HGD: variants seen among roughly 807,000 people sequenced by gnomAD.
HGD encodes homogentisate oxidase.
Under a neutral mutation model 60.8 loss-of-function variants are expected in HGD, and 61 were observed. That is an observed-to-expected ratio of 1.00 (90% CI 0.82 to 1.24). The LOEUF (loss-of-function observed/expected upper bound fraction) is 1.24. HGD is among the 50% of genes most tolerant of loss of function. The pLI, the probability that HGD is intolerant of heterozygous loss-of-function variation, is 0.00. For missense variants in HGD, 542 were observed against 547.1 expected (o/e 0.99, Z 0.09); for synonymous variants, 212 against 187.7 (o/e 1.13, Z -1.06).
At chr3:120,675,557 C>G (rs1363840023) in intron 2 of HGD, among the ~76,000 whole-genome samples, 1 of 152,124 alleles carries the variant, frequency 6.6e-6, no homozygotes, top group Non-Finnish European at 1.5e-5. Flanking sequence ...GGGGATCCTA[C>G]TGGAAACCCT....
intron 3 of HGD, among the ~76,000 whole-genome samples, chr3:120,674,340 A>T (rs1297173740): frequency 6.6e-6 from 1 of 152,224 alleles, no homozygotes; most frequent in Non-Finnish European, 1.5e-5. Context: ...AACATGGAAC[A>T]TGGCACAGTA....
chr3:120,680,081 A>G (rs1055340871), intron 1 of HGD, among the ~76,000 whole-genome samples: 1 of 152,232 alleles, frequency 6.6e-6, no homozygotes, highest in African/African-American at 2.4e-5. Context: ...CTGAATATTA[A>G]GCAAGTTCTT....
rs190852372 is a variant in HGD, at chr3:120,649,175, C to A, written c.435-1264G>T. ...TTTTTTTTTTTGAGATGGAGTCTCA[C>A]ACGGTTGTCCGGGCTGGAGTGCAAT... On this transcript the variant is annotated intron_variant, in intron 6 of 13. Coordinates refer to ENST00000283871, the MANE Select transcript of HGD (RefSeq NM_000187.4). Among the ~76,000 whole-genome samples, 1,013 of 141,612 alleles carry A rather than the reference C, an allele frequency of 7.2e-3. 19 individuals carry two copies. The highest frequency in any genetic ancestry group is 0.026 in the African/African-American group (968 of 37,916). The allele number at this position is 141,612 out of a possible 152,430, so 92.9% of individuals were successfully genotyped here.
At chr3:120,656,259 T>C (rs1430364792) in intron 4 of HGD, among the ~76,000 whole-genome samples, 2 of 152,238 alleles carry the variant, frequency 1.3e-5, no homozygotes, top group East Asian at 3.8e-4. Flanking sequence ...GATACATTTC[T>C]GTTGTTTAAA....
At position 120,633,021 on chromosome 3, in the gene HGD, T is replaced by C. The variant is rs985415416; in HGVS notation, c.1188+126A>G. The C allele has an allele frequency of 3.6e-5, 28 of 787,732 alleles. No homozygotes were observed. The Admixed American group carries it at 5.7e-4, about 16-fold the overall frequency. 48.8% of individuals were successfully genotyped at this position (787,732 alleles called of 1,614,324 possible). ...GTATATATACATGTAAACATACTTA[T>C]GCAGTCATTAACTCTCCCTCTTTTG... On this transcript the variant is annotated intron_variant, in intron 13 of 13. Coordinates refer to ENST00000283871, the MANE Select transcript of HGD (RefSeq NM_000187.4).
intron 13 of HGD, among the ~76,000 whole-genome samples, chr3:120,631,493 C>T (rs1401579620): frequency 6.6e-6 from 1 of 152,006 alleles, no homozygotes; most frequent in Non-Finnish European, 1.5e-5. Flanking sequence ...TATTATGTAT[C>T]CATAAAAATA....
At chr3:120,636,960 G>C (rs1940801518) in intron 12 of HGD, among the ~76,000 whole-genome samples, 1 of 152,166 alleles carries the variant, frequency 6.6e-6, no homozygotes, top group East Asian at 1.9e-4. Context: ...ATGCCTCTTA[G>C]AGTCTTTCCA....
chr3:120,628,988 C>A (rs763824438), intron 13 of HGD, among the ~76,000 whole-genome samples: 23 of 152,166 alleles, frequency 1.5e-4, no homozygotes, highest in Non-Finnish European at 2.1e-4. Context: ...CTTAAGGCGA[C>A]AAGTCATCGC....
intron 3 of HGD, among the ~76,000 whole-genome samples, chr3:120,673,812 C>A (rs2107553892): frequency 6.6e-6 from 1 of 152,302 alleles, no homozygotes; most frequent in East Asian, 1.9e-4. Context: ...ATGTGCTAAG[C>A]TAAGCTAATG....
At chr3:120,638,644 C>T (rs1365330183) in intron 11 of HGD, 63 bp from the exon 12 acceptor site, 50 of 1,577,034 alleles carry the variant, frequency 3.2e-5, no homozygotes, top group Non-Finnish European at 4.4e-5. Flanking sequence ...CAATGACACA[C>T]ATTTCATGCA....
chr3:120,653,782 G>A (rs1285986403), intron 4 of HGD, among the ~76,000 whole-genome samples: 1 of 152,188 alleles, frequency 6.6e-6, no homozygotes, highest in Non-Finnish European at 1.5e-5. Context: ...GGGGACCTGA[G>A]GGCAAGGATC....
intron 12 of HGD, among the ~76,000 whole-genome samples, chr3:120,636,281 A>G (rs1940777307): frequency 2.4e-5 from 3 of 126,812 alleles, no homozygotes; most frequent in South Asian, 4.8e-4. Flanking sequence ...ACCCTGTCTC[A>G]AAAAAAAAAA....
intron 3 of HGD, among the ~76,000 whole-genome samples, chr3:120,672,940 A>G (rs1204690793): frequency 6.6e-6 from 1 of 152,202 alleles, no homozygotes; most frequent in African/African-American, 2.4e-5. Context: ...TAATCTGATA[A>G]AAATTAATCC....
At chr3:120,666,291 T>C (rs1707898073) in intron 4 of HGD, among the ~76,000 whole-genome samples, 1 of 152,104 alleles carries the variant, frequency 6.6e-6, no homozygotes, top group South Asian at 2.1e-4. Flanking sequence ...AGAAATTCAT[T>C]TGGTGGCTAC....
At chr3:120,633,666 C>T (rs984515445) in intron 12 of HGD, 2 of 1,146,012 alleles carry the variant, frequency 1.7e-6, no homozygotes, top group South Asian at 1.3e-5. Flanking sequence ...TGTACTCTAT[C>T]ATCTAAGCTT....
At chr3:120,651,794 A>G (rs1419860755) in intron 5 of HGD, among the ~76,000 whole-genome samples, 1 of 152,170 alleles carries the variant, frequency 6.6e-6, no homozygotes, top group African/African-American at 2.4e-5. Flanking sequence ...CCTGGGACCT[A>G]TAACTACCAA....
intron 4 of HGD, among the ~76,000 whole-genome samples, chr3:120,653,195 G>C (rs1182315696): frequency 1.3e-5 from 2 of 152,188 alleles, no homozygotes; most frequent in Non-Finnish European, 1.5e-5. Flanking sequence ...AGGTTCAGCT[G>C]CTTCACCAAA....
chr3:120,679,184 C>T (rs1708187567), intron 1 of HGD, among the ~76,000 whole-genome samples: 2 of 152,192 alleles, frequency 1.3e-5, no homozygotes, highest in Admixed American at 1.3e-4. Context: ...TTAATTCTCA[C>T]CTGGTCCCCA....
chr3:120,646,302 C>T lies in HGD; in HGVS notation c.614G>A (p.Gly205Asp), dbSNP rs754802510. Residue 205 changes from glycine (G) to aspartate (D), a missense_variant, in exon 9 of 14, where the codon GGT (glycine) becomes GAT (aspartate). Physicochemically the swap from Gly to Asp is moderately conservative, Grantham distance 94. Transcript: ENST00000283871. ...AAGGTCAGGTAACTCAAAGTGGACA[C>T]CATAGACCTCCAAGATGTAGCCCCT... ...ETRGYILEVYGVHFELPDLGP... is the reference protein window; with the variant it reads ...ETRGYILEVYDVHFELPDLGP... 2 of 1,613,254 alleles carry T rather than the reference C, an allele frequency of 1.2e-6. No individual in the cohort carries two copies. Among genetic ancestry groups the T allele is most frequent in the Non-Finnish European group, 1.7e-6 (2 of 1,179,284 alleles).
Sources: allele counts gnomAD v4.1 joint callset (sites outside exome capture counted in the v4.1 genomes callset), GRCh38; gene constraint gnomAD v4.1.1; transcripts MANE v1.5; gene names NCBI Gene and HGNC (gene_info 2026-07-23, HGNC 2026-07-21).